MGAM: variants seen among roughly 807,000 people sequenced by gnomAD.
MGAM encodes maltase-glucoamylase.
In MGAM, 253 loss-of-function variants were observed where a neutral mutation model predicts 358.8. The observed-to-expected ratio is 0.71, with a 90% CI of 0.64 to 0.78. The LOEUF is 0.78. Among genes scored for constraint, MGAM ranks in the 30% least tolerant of loss-of-function variants. The pLI, the probability that MGAM is intolerant of heterozygous loss-of-function variation, is 0.00. For synonymous variants in MGAM, 1,105 were observed against 1,227.1 expected, an observed-to-expected ratio of 0.90 and a Z score of 2.08; for missense variants, 3,080 against 3,432.6, an observed-to-expected ratio of 0.90 and a Z score of 2.57.
At chr7:142,059,798 C>A (rs1436712042) in intron 32 of MGAM, 58 bp from the exon 33 acceptor site, 1 of 1,576,954 alleles carries the variant, frequency 6.3e-7, no homozygotes, top group Non-Finnish European at 8.6e-7. Context: ...CTCCTTCATT[C>A]TGTTTCTCCT....
At position 142,074,460 on chromosome 7, in the gene MGAM, G is replaced by C. The variant is rs1347872826; in HGVS notation, c.5275+287G>C. Among the ~76,000 whole-genome samples the C allele has an allele frequency of 1.4e-5, 2 of 146,258 alleles. 1 individual carries two copies. The highest frequency in any genetic ancestry group is 3.1e-5 in the Non-Finnish European group (2 of 64,626). On this transcript the variant is annotated intron_variant, in intron 45 of 70. Transcript: ENST00000475668. ...GCTTAGATGAGAAGGTTTCAAGACT[G>C]TTCCCTAATTCTATGTTAATGTCTT...
At chr7:142,092,428 T>C (rs879346280) in intron 58 of MGAM, 93 bp from the exon 59 acceptor site, 1 of 1,234,164 alleles carries the variant, frequency 8.1e-7, no homozygotes, top group Non-Finnish European at 1.1e-6. Context: ...GATTACTGGA[T>C]GTTGAACAAT....
intron 21 of MGAM, among the ~76,000 whole-genome samples, chr7:142,045,059 A>G (rs1290253196): frequency 1.7e-3 from 149 of 89,630 alleles, no homozygotes; most frequent in African/African-American, 6.1e-3. Context: ...TATAATATGT[A>G]TATTATATAT....
At chr7:141,989,381 A>G (rs1554446842) in intron 2 of MGAM, among the ~76,000 whole-genome samples, 1 of 152,146 alleles carries the variant, frequency 6.6e-6, no homozygotes, top group Non-Finnish European at 1.5e-5. Context: ...TACTTATGTC[A>G]GCTTAGGCTC....
chr7:141,987,630 A>G (rs1277051964), intron 2 of MGAM, among the ~76,000 whole-genome samples: 1 of 152,194 alleles, frequency 6.6e-6, no homozygotes, highest in Non-Finnish European at 1.5e-5. Flanking sequence ...GGGGGTTTCT[A>G]GAACAAGATT....
At chr7:142,020,924 T>G in intron 4 of MGAM, 50 bp from the exon 5 acceptor site, 1 of 1,263,804 alleles carries the variant, frequency 7.9e-7, no homozygotes, top group Non-Finnish European at 1.2e-6. Context: ...AGCTATTATT[T>G]GAGAATTTGC....
chr7:142,088,370 C>T (rs545546386), intron 57 of MGAM, among the ~76,000 whole-genome samples: 1 of 146,090 alleles, frequency 6.8e-6, no homozygotes, highest in East Asian at 2.0e-4. Context: ...CAGTTCAAGG[C>T]TGTTTTCCTT....
chr7:142,070,217 A>G (rs1402986532), intron 43 of MGAM, among the ~76,000 whole-genome samples: 1 of 144,348 alleles, frequency 6.9e-6, no homozygotes, highest in Admixed American at 7.0e-5. Flanking sequence ...AAAGAAAGAG[A>G]TGAAATTTTT....
Position 142,094,382 on chromosome 7 carries a change from A to C in MGAM, c.7191A>C (p.Thr2397=), listed in dbSNP as rs562172425. The part of the protein sequence containing the change: ...RPTYEAVQEV[T]GQRGVVITRS... ...CAACCAGAGCCGTGCAGGAGGTGAC[A>C]GGACAGCGAGGGGTCGTCATCACCC... is the stretch of plus-strand genomic sequence containing the variant. The change falls in exon 61 of 71, where the codon ACA becomes ACC. Residue 2397 remains threonine (T), a synonymous_variant. Coordinates refer to ENST00000475668, the MANE Select transcript of MGAM (RefSeq NM_001365693.1). 1.6e-5 allele frequency: 25 copies of C among 1,526,800 alleles called. 4 individuals carry two copies. The highest frequency in any genetic ancestry group is 2.1e-5 in the Non-Finnish European group (24 of 1,117,864). 94.6% of individuals were successfully genotyped at this position (1,526,800 alleles called of 1,614,324 possible). A position where few individuals can be genotyped will look rare whatever the true frequency, so the allele number is the denominator to read the frequency against.
intron 37 of MGAM, among the ~76,000 whole-genome samples, 156 bp downstream of exon 37, chr7:142,064,678 A>G (rs1374336433): frequency 1.3e-5 from 2 of 152,224 alleles, no homozygotes; most frequent in African/African-American, 4.8e-5. Context: ...ATGCTCATTG[A>G]CATGGAGCCA....
rs1813913749 is a variant in MGAM, at chr7:142,078,265, G to A, written c.5494-53G>A. 35 of 1,284,146 alleles carry A rather than the reference G, an allele frequency of 2.7e-5. 4 individuals carry two copies. In the South Asian group the frequency reaches 5.0e-4, roughly 18 times the overall value. 79.5% of individuals were successfully genotyped at this position (1,284,146 alleles called of 1,614,324 possible). A position where few individuals can be genotyped will look rare whatever the true frequency, so the allele number is the denominator to read the frequency against. On this transcript the variant is annotated intron_variant, in intron 47 of 70. Coordinates refer to ENST00000475668, the MANE Select transcript of MGAM (RefSeq NM_001365693.1). ...ATAAATAAATAAAGTCTTAGATTTT[G>A]CAAGGCCTTTCTCCCAAAGATGAAT...
At chr7:142,013,652 T>TTC (rs1264245208) in intron 3 of MGAM, among the ~76,000 whole-genome samples, 5 of 152,194 alleles carry the variant, frequency 3.3e-5, no homozygotes, top group African/African-American at 1.2e-4. Context: ...GGGTGGCAAT[T>TTC]TCTCTTTTTT....
In MGAM at chr7:142,093,489, C is replaced by A; in HGVS notation, c.7111C>A (p.Pro2371Thr). ...ESQQILPDGSPVQHYNVHNLY... is the reference protein window; with the variant it reads ...ESQQILPDGSTVQHYNVHNLY... ...TCAGCAGATCCTCCCAGACGGCTCC[C>A]CGGTGCAGCACTACAATGTGCACAA... The change falls in exon 60 of 71, where the codon CCG (proline) becomes ACG (threonine). Residue 2371 changes from proline (P) to threonine (T), a missense_variant. Coordinates refer to ENST00000475668, the MANE Select transcript of MGAM (RefSeq NM_001365693.1). The A allele has an allele frequency of 2.0e-6, 3 of 1,518,622 alleles. No homozygotes were observed. The highest frequency in any genetic ancestry group is 2.7e-6 in the Non-Finnish European group (3 of 1,113,228). 94.1% of individuals were successfully genotyped at this position (1,518,622 alleles called of 1,614,324 possible).
intron 3 of MGAM, among the ~76,000 whole-genome samples, chr7:142,018,747 A>AT (rs1806166879): frequency 6.6e-6 from 1 of 152,204 alleles, no homozygotes; most frequent in African/African-American, 2.4e-5. Context: ...TATAATCCAT[A>AT]TAAATGTAAG....
intron 7 of MGAM, among the ~76,000 whole-genome samples, chr7:142,023,033 C>G (rs1369167519): frequency 6.6e-6 from 1 of 152,064 alleles, no homozygotes. Context: ...TGGCAATACT[C>G]TGTTGTTCAG....
intron 3 of MGAM, among the ~76,000 whole-genome samples, chr7:142,008,934 A>G (rs1169070290): frequency 6.6e-6 from 1 of 152,144 alleles, no homozygotes; most frequent in Non-Finnish European, 1.5e-5. Context: ...TCAGCAAATA[A>G]AAGTGCGGTT....
Position 142,094,384 on chromosome 7 carries a change from G to A in MGAM, c.7193G>A (p.Gly2398Glu). The A allele has an allele frequency of 6.5e-7, 1 of 1,528,046 alleles. No individual in the cohort carries two copies. The highest frequency in any genetic ancestry group is 8.9e-7 in the Non-Finnish European group (1 of 1,118,746). The allele number at this position is 1,528,046 out of a possible 1,614,324, so 94.7% of individuals were successfully genotyped here. ...ACCAGAGCCGTGCAGGAGGTGACAG[G>A]ACAGCGAGGGGTCGTCATCACCCGC... ...PTYEAVQEVTGQRGVVITRST... is the reference protein window; with the variant it reads ...PTYEAVQEVTEQRGVVITRST... Residue 2398 changes from glycine to glutamate, a missense_variant, in exon 61 of 71, where the codon GGA becomes GAA. This residue lies in a region of MGAM where 932 missense variants were observed against 1,198.2 expected (regional missense o/e 0.78). Transcript: ENST00000475668.
At chr7:142,105,085 T>C (rs574894147) in intron 70 of MGAM, among the ~76,000 whole-genome samples, 4 of 152,140 alleles carry the variant, frequency 2.6e-5, no homozygotes, top group Non-Finnish European at 5.9e-5. Flanking sequence ...TGAGGGCACA[T>C]GCAGTGAAAG....
At chr7:142,044,719 GATGT>G (rs1460249957) in intron 21 of MGAM, among the ~76,000 whole-genome samples, 1 of 89,850 alleles carries the variant, frequency 1.1e-5, no homozygotes, top group African/African-American at 4.2e-5. Context: ...TGTAATATAT[GATGT>G]ATAATGAATA....
Sources: gnomAD v4.1 joint callset for allele counts (sites outside exome capture counted in the v4.1 genomes callset) on GRCh38, gnomAD v4.1.1 for gene constraint, gnomAD v4.1.1 regional missense constraint, MANE v1.5 for transcripts, NCBI Gene and HGNC (gene_info 2026-07-23, HGNC 2026-07-21) for gene names.